ADGRB3: variants seen among roughly 807,000 people sequenced by gnomAD.
ADGRB3 encodes brain-specific angiogenesis inhibitor 3.
In ADGRB3, 37 loss-of-function variants were observed where a neutral mutation model predicts 193.4. That is an observed-to-expected ratio of 0.19 (90% CI 0.15 to 0.25). ADGRB3 has a LOEUF of 0.25. Ranked by LOEUF, ADGRB3 falls within the 10% of genes least tolerant of loss-of-function variation. The pLI, the probability that ADGRB3 is intolerant of heterozygous loss-of-function variation, is 1.00. For synonymous variants in ADGRB3, 690 were observed against 644.2 expected (o/e 1.07, Z -1.08); for missense variants, 1,637 against 1,852.9 (o/e 0.88, Z 2.14).
At chr6:69,206,798 A>G (rs1031002563) in intron 17 of ADGRB3, among the ~76,000 whole-genome samples, 3 of 152,192 alleles carry the variant, frequency 2.0e-5, no homozygotes, top group African/African-American at 4.8e-5. Flanking sequence ...ACTACCTTCT[A>G]CTACCCATTC....
chr6:68,788,937 T>C (rs572242793), intron 3 of ADGRB3, among the ~76,000 whole-genome samples: 32 of 152,232 alleles, frequency 2.1e-4, no homozygotes, highest in Non-Finnish European at 4.3e-4. Context: ...TTGAACTTTG[T>C]TGGTTTAAAG....
rs757185927 is a variant in ADGRB3 at position 69,018,411 on chromosome 6, G to C, written c.2019G>C (p.Glu673Asp). 1 of 1,604,800 alleles carries C rather than the reference G, an allele frequency of 6.2e-7. No individual in the cohort carries two copies. The highest frequency in any genetic ancestry group is 2.2e-5 in the East Asian group (1 of 44,620). Residue 673 changes from glutamate to aspartate, a missense_variant, in exon 13 of 32, where the codon GAG (glutamate) becomes GAC (aspartate). This residue lies in a region of ADGRB3 where 641 missense variants were observed against 673.9 expected (regional missense o/e 0.95). Coordinates refer to ENST00000370598, the MANE Select transcript of ADGRB3 (RefSeq NM_001704.3). ...TCTAGATTTATCCAGGGTCAATAGA[G>C]TTAATGCAGGTGATTGAAGATTTTA... ...DAQQIYPGSIELMQVIEDFIH... is the reference protein window; with the variant it reads ...DAQQIYPGSIDLMQVIEDFIH...
intron 16 of ADGRB3, among the ~76,000 whole-genome samples, chr6:69,072,183 CACAGTCTCACATATTGGTG>C (rs1772096352): frequency 6.6e-6 from 1 of 152,130 alleles, no homozygotes; most frequent in Non-Finnish European, 1.5e-5. Flanking sequence ...GACCTTAGCT[CACAGTCTCACATATTGGTG>C]ACTATACTAG....
chr6:68,976,503 G>A (rs2150266391), intron 10 of ADGRB3, among the ~76,000 whole-genome samples: 1 of 152,156 alleles, frequency 6.6e-6, no homozygotes, highest in South Asian at 2.1e-4. Flanking sequence ...TGTAACTTTT[G>A]ACTCCCTTCA....
At chr6:68,710,975 C>G (rs1765399063) in intron 3 of ADGRB3, among the ~76,000 whole-genome samples, 1 of 152,048 alleles carries the variant, frequency 6.6e-6, no homozygotes, top group Non-Finnish European at 1.5e-5. Flanking sequence ...GAAATGTTCC[C>G]TTTAAAAGGG....
chr6:69,013,203 A>G (rs1399991556), intron 11 of ADGRB3, among the ~76,000 whole-genome samples: 3 of 152,070 alleles, frequency 2.0e-5, no homozygotes, highest in Non-Finnish European at 4.4e-5. Flanking sequence ...CATGTGTGAA[A>G]TGAGCACTTG....
intron 26 of ADGRB3, among the ~76,000 whole-genome samples, chr6:69,349,937 C>T (rs1769186648): frequency 1.3e-5 from 2 of 152,166 alleles, no homozygotes; most frequent in South Asian, 4.1e-4. Flanking sequence ...TGCCAAACAT[C>T]GCTCGGTGCT....
chr6:69,086,098 A>G (rs1582450078), intron 17 of ADGRB3, among the ~76,000 whole-genome samples: 2 of 152,212 alleles, frequency 1.3e-5, no homozygotes, highest in African/African-American at 4.8e-5. Flanking sequence ...TTATATTTGG[A>G]GTCAAATTGA....
At chr6:68,769,838 A>G (rs1009000343) in intron 3 of ADGRB3, among the ~76,000 whole-genome samples, 6 of 152,146 alleles carry the variant, frequency 3.9e-5, no homozygotes. Context: ...ATAGATATCA[A>G]TCAGGTAAGA....
At chr6:68,932,352 T>A (rs992729102) in intron 4 of ADGRB3, among the ~76,000 whole-genome samples, 1 of 152,150 alleles carries the variant, frequency 6.6e-6, no homozygotes, top group Non-Finnish European at 1.5e-5. Context: ...AAGTTTTTTT[T>A]ATTTGTCTGT....
At chr6:69,123,887 A>C (rs936687205) in intron 17 of ADGRB3, among the ~76,000 whole-genome samples, 1 of 152,204 alleles carries the variant, frequency 6.6e-6, no homozygotes, top group African/African-American at 2.4e-5. Flanking sequence ...GGACCTTTAT[A>C]AGGACTTAAT....
chr6:69,305,873 C>G (rs1234565205), intron 20 of ADGRB3, among the ~76,000 whole-genome samples: 1 of 151,126 alleles, frequency 6.6e-6, no homozygotes, highest in Admixed American at 6.6e-5. Flanking sequence ...TTAAAAATAC[C>G]CCTGGGAAAA....
At chr6:68,956,464 A>G (rs1478403530) in intron 7 of ADGRB3, among the ~76,000 whole-genome samples, 181 bp from the exon 8 acceptor site, 1 of 152,148 alleles carries the variant, frequency 6.6e-6, no homozygotes, top group African/African-American at 2.4e-5. Flanking sequence ...CACTTTTTAC[A>G]CTTTTTTACA....
chr6:69,237,898 C>T (rs1638706818), intron 19 of ADGRB3, among the ~76,000 whole-genome samples: 1 of 152,024 alleles, frequency 6.6e-6, no homozygotes, highest in South Asian at 2.1e-4. Flanking sequence ...GAACAAGGTT[C>T]AGCAACCCTG....
chr6:68,906,174 G>A (rs867251787), intron 3 of ADGRB3, among the ~76,000 whole-genome samples: 1 of 151,450 alleles, frequency 6.6e-6, no homozygotes, highest in African/African-American at 2.4e-5. Context: ...TTACTCAAAT[G>A]TGGCATTAAT....
intron 16 of ADGRB3, among the ~76,000 whole-genome samples, chr6:69,066,798 A>G (rs1771922936): frequency 6.6e-6 from 1 of 152,126 alleles, no homozygotes; most frequent in African/African-American, 2.4e-5. Context: ...AGTGACATTT[A>G]TACTCATCAA....
intron 15 of ADGRB3, among the ~76,000 whole-genome samples, chr6:69,050,315 G>C (rs1771356993): frequency 6.6e-6 from 1 of 152,104 alleles, no homozygotes; most frequent in East Asian, 1.9e-4. Context: ...TAATATAGGT[G>C]GAGAGTCATC....
intron 17 of ADGRB3, chr6:69,232,291 T>A: frequency 1.5e-6 from 1 of 672,294 alleles, no homozygotes; most frequent in Non-Finnish European, 2.2e-6. Flanking sequence ...TCTTTTTCTC[T>A]CTTCCTGTAG....
chr6:69,168,231 C>G (rs1276164465), intron 17 of ADGRB3, among the ~76,000 whole-genome samples: 2 of 152,048 alleles, frequency 1.3e-5, no homozygotes, highest in African/African-American at 4.8e-5. Flanking sequence ...AGTATATCAC[C>G]AAGTAGGCGA....
Sources: gnomAD v4.1 joint callset for allele counts (sites outside exome capture counted in the v4.1 genomes callset) on GRCh38, gnomAD v4.1.1 for gene constraint, gnomAD v4.1.1 regional missense constraint, MANE v1.5 for transcripts, NCBI Gene and HGNC (gene_info 2026-07-23, HGNC 2026-07-21) for gene names.